AHCTF1: variants seen among roughly 807,000 people sequenced by gnomAD.
The protein encoded by AHCTF1 is protein ELYS.
AHCTF1 carries 24 observed loss-of-function variants against 248.4 expected under a neutral mutation model. The observed-to-expected ratio is 0.10, with a 90% CI of 0.07 to 0.14. AHCTF1 has a LOEUF of 0.14. Ranked by LOEUF, AHCTF1 falls within the 10% of genes least tolerant of loss-of-function variation. The pLI is 1.00. For missense variants in AHCTF1, 2,206 were observed against 2,636.2 expected (o/e 0.84, Z 3.57); for synonymous variants, 786 against 929.8 (o/e 0.85, Z 2.81).
At chr1:246,855,663 G>T in intron 31 of AHCTF1, 67 bp downstream of exon 31, 1 of 1,250,614 alleles carries the variant, frequency 8.0e-7, no homozygotes, top group Non-Finnish European at 1.1e-6. Flanking sequence ...TTTGTTCTAA[G>T]AACAGAAAAC....
intron 12 of AHCTF1, among the ~76,000 whole-genome samples, chr1:246,897,678 C>T (rs1664683862): frequency 6.6e-6 from 1 of 152,090 alleles, no homozygotes; most frequent in African/African-American, 2.4e-5. Context: ...AGAAAAGGTA[C>T]AGTAAAAATA....
chr1:246,890,896 C>A (rs1160725391), intron 16 of AHCTF1, 60 bp downstream of exon 16: 2 of 1,146,276 alleles, frequency 1.7e-6, no homozygotes, highest in African/African-American at 1.6e-5. Flanking sequence ...AATACAATAA[C>A]AAAATTATAA....
At chr1:246,845,054 G>A (rs1660149071) in intron 33 of AHCTF1, among the ~76,000 whole-genome samples, 1 of 152,074 alleles carries the variant, frequency 6.6e-6, no homozygotes, top group Non-Finnish European at 1.5e-5. Flanking sequence ...CAGGGTAGGT[G>A]GTAAGTGCTC....
chr1:246,848,390 A>AT (rs149650242), intron 33 of AHCTF1, among the ~76,000 whole-genome samples: 26,702 of 150,378 alleles, frequency 0.18, 3,876 homozygotes, highest in African/African-American at 0.4. Context: ...ATTTCTTTGT[A>AT]TTTTTTTTAG....
At chr1:246,886,461 T>G (rs1197216240) in intron 20 of AHCTF1, among the ~76,000 whole-genome samples, 1 of 152,226 alleles carries the variant, frequency 6.6e-6, no homozygotes, top group Non-Finnish European at 1.5e-5. Flanking sequence ...ACAGATGATT[T>G]AAAGATCAAG....
intron 19 of AHCTF1, among the ~76,000 whole-genome samples, chr1:246,887,681 T>C (rs1663922787): frequency 6.6e-6 from 1 of 152,238 alleles, no homozygotes; most frequent in Admixed American, 6.5e-5. Context: ...TAGCAAAAGA[T>C]GGCAGCTTAA....
chr1:246,877,363 GA>G, intron 21 of AHCTF1, 61 bp from the exon 22 acceptor site: 1 of 1,458,662 alleles, frequency 6.9e-7, no homozygotes, highest in Non-Finnish European at 9.1e-7. Context: ...TACAAAACAA[GA>G]AATCTACATG....
At chr1:246,894,871 G>A in intron 13 of AHCTF1, 123 bp from the exon 14 acceptor site, 3 of 750,896 alleles carry the variant, frequency 4.0e-6, no homozygotes, top group Non-Finnish European at 6.8e-6. Context: ...CTTCAGGGAG[G>A]CAACTTGGGA....
At position 246,855,755 on chromosome 1, in the gene AHCTF1, A is replaced by G. The variant is rs764169631; in HGVS notation, c.4329T>C (p.Pro1443=). 28 of 1,612,616 alleles carry G rather than the reference A, an allele frequency of 1.7e-5. No homozygotes were observed. The Admixed American group carries it at 4.2e-4, about 24-fold the overall frequency. The part of the protein sequence containing the change: ...EGLTSVETYT[P]AIRANDNKSM... ...ATTTATTGTCATTTGCTCTAATTGC[A>G]GGGGTGTAGGTTTCAACAGATGTTA... The change falls in exon 31 of 36, where the codon CCT becomes CCC. Residue 1443 remains proline (P), a synonymous_variant. Transcript: ENST00000648844.
intron 1 of AHCTF1, among the ~76,000 whole-genome samples, chr1:246,924,862 T>C (rs1666823220): frequency 9.8e-6 from 1 of 101,642 alleles, no homozygotes; most frequent in Non-Finnish European, 1.9e-5. Flanking sequence ...TCTAACCTAA[T>C]ATAAAGGTGT....
chr1:246,847,762 A>G (rs1660387666), intron 33 of AHCTF1, among the ~76,000 whole-genome samples: 1 of 152,196 alleles, frequency 6.6e-6, no homozygotes, highest in Non-Finnish European at 1.5e-5. Flanking sequence ...AGGTACAGAA[A>G]TGAAAAATAG....
rs373226573 is a variant in AHCTF1 at position 246,863,938 on chromosome 1, G to A, written c.3526C>T (p.Pro1176Ser). 1.5e-5 allele frequency: 25 copies of A among 1,613,806 alleles called. No individual in the cohort carries two copies. The highest frequency in any genetic ancestry group is 2.1e-5 in the Non-Finnish European group (25 of 1,179,882). ...TAAATACTAACCTTAACTACAAGAG[G>A]AGTTTCAAGCAAATGTAATTCTGAA... is the stretch of plus-strand genomic sequence containing the variant. Reference protein sequence around the residue: ...RASELHLLETPLVVKKAKSLA... With the variant: ...RASELHLLETSLVVKKAKSLA... Residue 1176 changes from proline to serine, a missense_variant, in exon 27 of 36, where the codon CCT becomes TCT. Pro to Ser is a moderately conservative substitution (Grantham distance 74, BLOSUM62 -1). Transcript: ENST00000648844.
intron 1 of AHCTF1, among the ~76,000 whole-genome samples, chr1:246,926,984 C>G (rs1043101036): frequency 6.6e-6 from 1 of 151,734 alleles, no homozygotes; most frequent in Admixed American, 6.6e-5. Flanking sequence ...ACCATCCTGG[C>G]TAACAAGGTG....
chr1:246,901,442 G>A (rs1027106632), intron 8 of AHCTF1, among the ~76,000 whole-genome samples: 9 of 152,136 alleles, frequency 5.9e-5, no homozygotes, highest in African/African-American at 2.2e-4. Flanking sequence ...GGCTAACACG[G>A]TGAAACCCTG....
intron 21 of AHCTF1, among the ~76,000 whole-genome samples, chr1:246,878,184 G>A (rs1483757136): frequency 6.6e-6 from 1 of 151,798 alleles, no homozygotes; most frequent in African/African-American, 2.4e-5. Context: ...GATCACTTGA[G>A]CCTAGGAGTT....
chr1:246,869,224 G>A (rs1187247627), intron 24 of AHCTF1, among the ~76,000 whole-genome samples: 2 of 152,042 alleles, frequency 1.3e-5, no homozygotes. Flanking sequence ...TTTTCCAACA[G>A]CGTGTACTTA....
At position 246,861,009 on chromosome 1, in the gene AHCTF1, T is replaced by C. The variant is rs756550334; in HGVS notation, c.4022A>G (p.Lys1341Arg). 4 of 1,613,974 alleles carry C rather than the reference T, an allele frequency of 2.5e-6. No individual in the cohort carries two copies. In the South Asian group the frequency reaches 4.4e-5, roughly 18 times the overall value. Residue 1341 changes from lysine to arginine, a missense_variant, in exon 29 of 36, where the codon AAA (lysine) becomes AGA (arginine). Lys to Arg is a conservative substitution (Grantham distance 26). Transcript: ENST00000648844. ...EETVFTASKP[K>R]SSSTALTTNV... is the part of the protein sequence containing the mutation. ...AGTAGTTAGTGCAGTGGAAGAGCTT[T>C]TGGGCTTAGAGGCCGTGAAAACAGT...
At chr1:246,908,533 TTTACATTGACA>T (rs1195274310) in intron 4 of AHCTF1, among the ~76,000 whole-genome samples, 6 of 152,068 alleles carry the variant, frequency 3.9e-5, no homozygotes, top group Non-Finnish European at 7.4e-5. Flanking sequence ...AAAATTATTC[TTTACATTGACA>T]GAACATAAAA....
intron 25 of AHCTF1, 62 bp downstream of exon 25, chr1:246,867,599 G>A (rs1474605987): frequency 4.5e-6 from 7 of 1,557,736 alleles, no homozygotes; most frequent in South Asian, 2.3e-5. Flanking sequence ...GTTGATGAAC[G>A]CTGTTGATGT....
Sources: gnomAD v4.1 joint callset for allele counts (sites outside exome capture counted in the v4.1 genomes callset) on GRCh38, gnomAD v4.1.1 for gene constraint, MANE v1.5 for transcripts, NCBI Gene and HGNC (gene_info 2026-07-23, HGNC 2026-07-21) for gene names.